TBC1D30: variants seen among roughly 807,000 people sequenced by gnomAD.
TBC1D30 encodes TBC1 domain family, member 30.
A neutral mutation model predicts 63.2 loss-of-function variants in TBC1D30; 31 were observed. The ratio of observed to expected loss-of-function variants is 0.49; its 90% confidence interval spans 0.37 to 0.66. The LOEUF (loss-of-function observed/expected upper bound fraction) is 0.66. Ranked by LOEUF, TBC1D30 falls within the 30% of genes least tolerant of loss-of-function variation. TBC1D30 has a pLI of 0.00. For synonymous variants in TBC1D30, 307 were observed against 361.5 expected, an observed-to-expected ratio of 0.85 and a Z score of 1.71; for missense variants, 810 against 953.6, an observed-to-expected ratio of 0.85 and a Z score of 1.98.
Position 64,858,902 on chromosome 12 carries a change from C to A in TBC1D30, c.1039-5766C>A, listed in dbSNP as rs377244610. On this transcript the variant is annotated intron_variant, in intron 8 of 11. Transcript: ENST00000539867. ...GCTGGGGGCTGAGGAAGAGAGAAGA[C>A]CTCATCTAGCCTGAGGGGCAGGGGT... 4.4e-4 allele frequency among the ~76,000 whole-genome samples: 67 copies of A among 152,036 alleles called. 1 individual carries two copies. Among genetic ancestry groups the A allele is most frequent in the African/African-American group, 1.6e-3 (65 of 41,448 alleles).
chr12:64,867,297 C>G (rs1878302184), intron 10 of TBC1D30, among the ~76,000 whole-genome samples: 1 of 152,008 alleles, frequency 6.6e-6, no homozygotes, highest in Non-Finnish European at 1.5e-5. Flanking sequence ...AACCCCGTCT[C>G]TACTAAAAAT....
At chr12:64,801,878 G>T (rs1420903201) in intron 2 of TBC1D30, among the ~76,000 whole-genome samples, 1 of 152,146 alleles carries the variant, frequency 6.6e-6, no homozygotes, top group African/African-American at 2.4e-5. Flanking sequence ...TATTTACCCA[G>T]TCTTAAATGT....
chr12:64,798,976 C>A (rs1351908733), intron 2 of TBC1D30, among the ~76,000 whole-genome samples: 1 of 152,002 alleles, frequency 6.6e-6, no homozygotes, highest in Non-Finnish European at 1.5e-5. Flanking sequence ...CCATGCCCAG[C>A]TAATTTTTTG....
In TBC1D30 at chr12:64,866,639, A is replaced by G. The variant is rs1020140248; in HGVS notation, c.1152-125A>G. 4 of 954,634 alleles carry G rather than the reference A, an allele frequency of 4.2e-6. No homozygotes were observed. In the African/African-American group the frequency reaches 6.7e-5, roughly 16 times the overall value. 59.1% of individuals were successfully genotyped at this position (954,634 alleles called of 1,614,324 possible). ...ATTTTTAGCAGAGATGGGGTTTCAC[A>G]ATGTTAATTATATGTAATTCTATGT... On this transcript the variant is annotated intron_variant, in intron 9 of 11. Transcript: ENST00000539867.
At chr12:64,767,011 C>T (rs1870738103) in intron 1 of TBC1D30, among the ~76,000 whole-genome samples, 1 of 151,824 alleles carries the variant, frequency 6.6e-6, no homozygotes, top group Non-Finnish European at 1.5e-5. Flanking sequence ...AATATGAATA[C>T]ACAGCATACT....
chr12:64,824,184 T>C (rs924126772), upstream of TBC1D30, among the ~76,000 whole-genome samples: 8 of 152,178 alleles, frequency 5.3e-5, no homozygotes, highest in African/African-American at 1.7e-4. Context: ...ACACTTTTTT[T>C]CTGGAAGCCC....
upstream of TBC1D30, among the ~76,000 whole-genome samples, chr12:64,821,174 G>A (rs1873863672): frequency 6.6e-6 from 1 of 152,228 alleles, no homozygotes; most frequent in Non-Finnish European, 1.5e-5. Context: ...CTGGAAATTT[G>A]GTGTCTTCAG....
intron 1 of TBC1D30, among the ~76,000 whole-genome samples, chr12:64,767,878 C>A (rs1870778138): frequency 2.0e-5 from 3 of 150,720 alleles, no homozygotes; most frequent in South Asian, 4.2e-4. Flanking sequence ...TGGCGTGTGT[C>A]ATGACATTGC....
intron 1 of TBC1D30, among the ~76,000 whole-genome samples, chr12:64,827,564 A>AT (rs949210035): frequency 2.0e-5 from 3 of 152,258 alleles, no homozygotes; most frequent in Non-Finnish European, 4.4e-5. Flanking sequence ...CTGTGGTGTC[A>AT]TTTTTTGTTT....
chr12:64,843,301 A>C, intron 7 of TBC1D30, 79 bp from the exon 8 acceptor site: 1 of 1,276,066 alleles, frequency 7.8e-7, no homozygotes, highest in South Asian at 1.3e-5. Context: ...AGTCCAACAT[A>C]TCTTATACCT....
At chr12:64,780,770 G>T (rs1871225835) in exon 1 of TBC1D30, 1 of 988,142 alleles carries the variant, frequency 1.0e-6, no homozygotes. Context: ...CGCGAGGCGG[G>T]AGGAGCAGCG....
At chr12:64,842,640 A>G (rs1046950394) in intron 7 of TBC1D30, among the ~76,000 whole-genome samples, 1 of 152,218 alleles carries the variant, frequency 6.6e-6, no homozygotes, top group African/African-American at 2.4e-5. Flanking sequence ...TGTAATTGTC[A>G]TCTTTTATTC....
chr12:64,776,794 G>A (rs113849451), upstream of TBC1D30, among the ~76,000 whole-genome samples: 1 of 152,168 alleles, frequency 6.6e-6, no homozygotes, highest in East Asian at 1.9e-4. Flanking sequence ...ACCTGGCAGA[G>A]ATACAACAAC....
chr12:64,865,772 C>T (rs1301649548), intron 9 of TBC1D30, among the ~76,000 whole-genome samples: 3 of 152,138 alleles, frequency 2.0e-5, no homozygotes, highest in Non-Finnish European at 2.9e-5. Context: ...AGGAGGATTG[C>T]TTGCGCCTAG....
upstream of TBC1D30, among the ~76,000 whole-genome samples, chr12:64,775,964 T>G (rs781151392): frequency 6.6e-6 from 1 of 152,168 alleles, no homozygotes; most frequent in African/African-American, 2.4e-5. Context: ...AACTCAAGAT[T>G]AGGAAATTCA....
chr12:64,862,876 G>T (rs1457534561), intron 8 of TBC1D30, among the ~76,000 whole-genome samples: 2 of 152,182 alleles, frequency 1.3e-5, no homozygotes, highest in Non-Finnish European at 2.9e-5. Context: ...ATATGTGATG[G>T]TCAGATAGAG....
chr12:64,821,696 C>T (rs1873898638), upstream of TBC1D30, among the ~76,000 whole-genome samples: 1 of 152,176 alleles, frequency 6.6e-6, no homozygotes, highest in Non-Finnish European at 1.5e-5. Context: ...GCTCTCAGTA[C>T]AACTGAGATA....
At position 64,828,426 on chromosome 12, in the gene TBC1D30, TTTC is replaced by T. The variant is rs1335071810; in HGVS notation, c.217-12_217-10del. 3.9e-6 allele frequency: 6 copies of T among 1,531,190 alleles called. No individual in the cohort carries two copies. In the African/African-American group the frequency reaches 6.8e-5, roughly 17 times the overall value. 94.9% of individuals were successfully genotyped at this position (1,531,190 alleles called of 1,614,324 possible). On this transcript the variant is annotated splice_polypyrimidine_tract_variant and intron_variant, in intron 2 of 11. Transcript: ENST00000539867. ...AGGTCACTGTGATCACCTCCTGGGA[TTTC>T]TTCTTTGTTCCTAGTGGTACGATGC...
At position 64,824,917 on chromosome 12, in the gene TBC1D30, G is replaced by A. The variant is rs1240997510; in HGVS notation, c.38G>A (p.Gly13Glu). The A allele has an allele frequency of 2.0e-6, 3 of 1,534,580 alleles. No individual in the cohort carries two copies. Among genetic ancestry groups the A allele is most frequent in the Non-Finnish European group, 2.6e-6 (3 of 1,146,584 alleles). Residue 13 changes from glycine to glutamate, a missense_variant, in exon 1 of 12, where the codon GGG becomes GAG. Physicochemically the swap from Gly to Glu is moderately conservative, Grantham distance 98. Transcript: ENST00000539867. ...QDKLTGSLRRGGRCLKRQGGG... is the reference protein window; with the variant it reads ...QDKLTGSLRREGRCLKRQGGG... ...AAGCTGACCGGGTCTCTGAGGCGCG[G>A]GGGGAGATGCCTGAAGCGGCAGGGC...
Sources: allele counts gnomAD v4.1 joint callset (sites outside exome capture counted in the v4.1 genomes callset), GRCh38; gene constraint gnomAD v4.1.1; transcripts MANE v1.5; gene names NCBI Gene and HGNC (gene_info 2026-07-23, HGNC 2026-07-21).